The following ZBBX variants were observed in gnomAD, a reference collection of about 807,000 sequenced individuals.
ZBBX encodes zinc finger B-box domain-containing protein 1.
Under a neutral mutation model 108.5 loss-of-function variants are expected in ZBBX, and 101 were observed. That is an observed-to-expected ratio of 0.93 (90% CI 0.79 to 1.10). The LOEUF (loss-of-function observed/expected upper bound fraction) is 1.10. Among genes scored for constraint, ZBBX ranks in the 50% least tolerant of loss-of-function variants. The pLI is 0.00. For synonymous variants in ZBBX, 356 were observed against 323.4 expected, an observed-to-expected ratio of 1.10 and a Z score of -1.08; for missense variants, 1,009 against 941.4, an observed-to-expected ratio of 1.07 and a Z score of -0.94.
chr3:167,218,245 C>T, the ZBBX span, among the ~76,000 whole-genome samples: 2 of 151,978 alleles, frequency 1.3e-5, no homozygotes, highest in African/African-American at 4.8e-5. Flanking sequence ...CACATGAACT[C>T]CCAAACATAA....
intron 8 of ZBBX, among the ~76,000 whole-genome samples, chr3:167,357,085 G>A (rs7634221): frequency 0.38 from 57,328 of 151,836 alleles, 11,384 homozygotes; most frequent in East Asian, 0.74. Context: ...TAAGGTGGAT[G>A]TGTAAATTAG....
At chr3:167,252,589 G>GAAAA (rs57589258) in intron 20 of ZBBX, among the ~76,000 whole-genome samples, 1 of 143,542 alleles carries the variant, frequency 7.0e-6, no homozygotes. Context: ...CTTCCCAACA[G>GAAAA]AAAAAAAAAA....
At chr3:167,180,562 C>A in the ZBBX span, among the ~76,000 whole-genome samples, 2 of 152,278 alleles carry the variant, frequency 1.3e-5, no homozygotes, top group African/African-American at 2.4e-5. Flanking sequence ...GGGGGCAGCA[C>A]AAAGTATATC....
the ZBBX span, among the ~76,000 whole-genome samples, chr3:167,180,269 C>A: frequency 6.6e-6 from 1 of 152,168 alleles, no homozygotes; most frequent in Non-Finnish European, 1.5e-5. Context: ...AGACTAGGAT[C>A]TCCTCTAAGG....
chr3:167,271,690 A>G (rs1726548177), intron 20 of ZBBX, among the ~76,000 whole-genome samples: 1 of 150,910 alleles, frequency 6.6e-6, no homozygotes, highest in Non-Finnish European at 1.5e-5. Flanking sequence ...CTTAATATGT[A>G]AAAAAAACCC....
At chr3:167,381,210 T>C (rs371798338), upstream of ZBBX, 7 of 152,154 alleles carry the variant, frequency 4.6e-5, no homozygotes, top group African/African-American at 9.7e-5. Context: ...TATTCAATTA[T>C]ATAAGATTAC....
At chr3:167,350,019 A>G (rs943265300) in intron 9 of ZBBX, among the ~76,000 whole-genome samples, 1 of 152,024 alleles carries the variant, frequency 6.6e-6, no homozygotes, top group African/African-American at 2.4e-5. Flanking sequence ...ATGGGCAAAG[A>G]TAAATAAGAA....
Position 167,261,470 on chromosome 3 carries a change from T to C in ZBBX, c.2255-18827A>G, listed in dbSNP as rs188600729. Among the ~76,000 whole-genome samples, 128 of 152,068 alleles carry C rather than the reference T, an allele frequency of 8.4e-4. 2 individuals are homozygous for C. The East Asian group carries it at 0.024, about 29-fold the overall frequency. ...TCAGGTGGGGGTGGGGCTAGGCGTG[T>C]CTGAGCTCAGACTGTCCTTGGGCAG... On this transcript the variant is annotated intron_variant, in intron 20 of 21. Transcript: ENST00000675490.
At chr3:167,197,857 C>T in the ZBBX span, among the ~76,000 whole-genome samples, 279 of 152,184 alleles carry the variant, frequency 1.8e-3, 1 homozygote, top group Non-Finnish European at 2.7e-3. Context: ...ATAATATTGA[C>T]ATATAAGAAC....
At chr3:167,252,488 A>G (rs1214495273) in intron 20 of ZBBX, among the ~76,000 whole-genome samples, 7 of 151,918 alleles carry the variant, frequency 4.6e-5, no homozygotes, top group African/African-American at 1.7e-4. Context: ...TTGTCACCTC[A>G]CTGACTGTTG....
At chr3:167,402,254 A>T (rs545166223) in intron 1 of ZBBX, among the ~76,000 whole-genome samples, 1 of 152,310 alleles carries the variant, frequency 6.6e-6, no homozygotes, top group African/African-American at 2.4e-5. Context: ...TATTCTCCCC[A>T]TACCTGAAAT....
intron 9 of ZBBX, among the ~76,000 whole-genome samples, chr3:167,348,114 A>G (rs1315648370): frequency 1.3e-5 from 2 of 151,490 alleles, no homozygotes; most frequent in Non-Finnish European, 2.9e-5. Context: ...TCAAAACCAA[A>G]GAATGTGATG....
At chr3:167,363,170 A>G (rs1334651904) in intron 6 of ZBBX, among the ~76,000 whole-genome samples, 1 of 151,912 alleles carries the variant, frequency 6.6e-6, no homozygotes, top group African/African-American at 2.4e-5. Context: ...ATATCTATGT[A>G]CCACTGTGAT....
the ZBBX span, among the ~76,000 whole-genome samples, chr3:167,219,655 G>A: frequency 6.6e-6 from 1 of 151,762 alleles, no homozygotes. Context: ...ATAGCTATAA[G>A]TGTCTACATC....
chr3:167,238,688 G>A (rs1430812449), downstream of ZBBX, among the ~76,000 whole-genome samples: 1 of 151,970 alleles, frequency 6.6e-6, no homozygotes, highest in East Asian at 1.9e-4. Context: ...ATATTTTTCT[G>A]TTAAGTCAAC....
intron 17 of ZBBX, among the ~76,000 whole-genome samples, chr3:167,301,581 T>C (rs1312417722): frequency 1.3e-5 from 2 of 152,228 alleles, no homozygotes; most frequent in Non-Finnish European, 2.9e-5. Flanking sequence ...TTGAGTTTCA[T>C]CCTATACATT....
chr3:167,188,432 C>T, the ZBBX span, among the ~76,000 whole-genome samples: 105 of 152,122 alleles, frequency 6.9e-4, no homozygotes, highest in Non-Finnish European at 1.3e-3. Flanking sequence ...ACATTTATAA[C>T]GCTTTAAGAG....
chr3:167,372,236 A>G (rs1288211028), intron 4 of ZBBX, among the ~76,000 whole-genome samples: 2 of 152,034 alleles, frequency 1.3e-5, no homozygotes, highest in Admixed American at 6.6e-5. Flanking sequence ...TCTTCATCCT[A>G]TGCTGGCTGG....
At chr3:167,401,451 C>G (rs182670779) in intron 1 of ZBBX, 1 of 152,044 alleles carries the variant, frequency 6.6e-6, no homozygotes, top group Non-Finnish European at 1.5e-5. Context: ...AGTAAAGGAA[C>G]AAAAAATGGC....
Sources: allele counts gnomAD v4.1 joint callset (sites outside exome capture counted in the v4.1 genomes callset), GRCh38; gene constraint gnomAD v4.1.1; transcripts MANE v1.5; gene names NCBI Gene and HGNC (gene_info 2026-07-23, HGNC 2026-07-21).